The following NALF2 variants were observed in gnomAD, a reference collection of about 807,000 sequenced individuals.
The protein encoded by NALF2 is bB57D9.1 (TED protein).
Under a neutral mutation model 24.8 loss-of-function variants are expected in NALF2, and 1 was observed. The ratio of observed to expected loss-of-function variants is 0.04; its 90% CI spans 0.01 to 0.19. The LOEUF (loss-of-function observed/expected upper bound fraction) is 0.19, where lower values mean the gene tolerates loss of function less well. Ranked by LOEUF, NALF2 falls within the 10% of genes least tolerant of loss-of-function variation. The probability of loss-of-function intolerance (pLI) is 1.00; values close to 1 mark genes in which losing one functional copy is unlikely to be tolerated. For missense variants in NALF2, 458 were observed against 409.6 expected (o/e 1.12, Z -1.02); for synonymous variants, 254 against 189.8 (o/e 1.34, Z -2.78).
intron 1 of NALF2, among the ~76,000 whole-genome samples, chrX:69,512,764 T>C (rs1192900257): frequency 9.0e-6 from 1 of 111,516 alleles, no homozygotes; most frequent in Non-Finnish European, 1.9e-5. Flanking sequence ...TAGGTCTGTC[T>C]GTTCTTTCTC....
intron 1 of NALF2, among the ~76,000 whole-genome samples, chrX:69,507,684 A>G (rs970778204): frequency 9.0e-6 from 1 of 111,179 alleles, no homozygotes; most frequent in African/African-American, 3.3e-5. Context: ...GAAGAAGGGC[A>G]CATTTTGTCT....
Position 69,532,097 on chromosome X carries a change from C to A in NALF2, c.*2141C>A, listed in dbSNP as rs1454689465. 1 of 112,686 alleles carries A rather than the reference C, an allele frequency of 8.9e-6. No individual in the cohort carries two copies. The highest frequency in any genetic ancestry group is 3.2e-5 in the African/African-American group (1 of 30,884). The allele number at this position is 112,686 out of a possible 1,213,427, so 9.3% of individuals were successfully genotyped here. A position where few individuals can be genotyped will look rare whatever the true frequency, so the allele number is the denominator to read the frequency against. On this transcript the variant is annotated 3_prime_UTR_variant, in exon 3 of 3. Transcript: ENST00000252338. ...GGCTCAGACCAGCCCAAGGCCTTGC[C>A]CAGTGGCAGGGGAAAGGGGCACCTC...
rs963863815 is a variant in NALF2 at position 69,530,073 on chromosome X, G to A, written c.*117G>A. 6.5e-5 allele frequency: 35 copies of A among 536,579 alleles called. No individual in the cohort carries two copies. The highest frequency in any genetic ancestry group is 2.9e-6 in the Non-Finnish European group (1 of 346,111). 44.2% of individuals were successfully genotyped at this position (536,579 alleles called of 1,213,427 possible). On this transcript the variant is annotated 3_prime_UTR_variant, in exon 3 of 3. Transcript: ENST00000252338. ...AGGATAAGGTGGGGGCGGGGGAAAT[G>A]GGGGAATGACACATCCCCCCCAACC... is the stretch of plus-strand genomic sequence containing the variant.
At chrX:69,514,952 GAATGT>G (rs1490091415) in intron 1 of NALF2, among the ~76,000 whole-genome samples, 3 of 111,901 alleles carry the variant, frequency 2.7e-5, no homozygotes, top group African/African-American at 9.7e-5. Flanking sequence ...TCCATCACAT[GAATGT>G]AATGTAATTT....
At chrX:69,507,894 C>T (rs932609591) in intron 1 of NALF2, among the ~76,000 whole-genome samples, 1 of 111,201 alleles carries the variant, frequency 9.0e-6, no homozygotes, top group Non-Finnish European at 1.9e-5. Flanking sequence ...CACAACTTCC[C>T]CATGGGGTTT....
At chrX:69,518,638 G>A (rs1476707583) in intron 1 of NALF2, among the ~76,000 whole-genome samples, 1 of 111,512 alleles carries the variant, frequency 9.0e-6, no homozygotes, top group East Asian at 2.8e-4. Context: ...ACACCTGTGT[G>A]TATATATCTC....
rs1313921992 is a variant in NALF2, at chrX:69,530,451, A to G, written c.*495A>G. ...CAGACAGTGCAATGGCCCTCCTGCC[A>G]CTTCAGCACACCTTGCCCCACCTGG... On this transcript the variant is annotated 3_prime_UTR_variant, in exon 3 of 3. Coordinates refer to ENST00000252338, the MANE Select transcript of NALF2 (RefSeq NM_015686.3). 4 of 116,014 alleles carry G rather than the reference A, an allele frequency of 3.4e-5. No homozygotes were observed. Among genetic ancestry groups the G allele is most frequent in the African/African-American group, 1.3e-4 (4 of 31,142 alleles). The allele number at this position is 116,014 out of a possible 1,213,427, so 9.6% of individuals were successfully genotyped here. A position where few individuals can be genotyped will look rare whatever the true frequency, so the allele number is the denominator to read the frequency against.
chrX:69,522,775 G>C (rs1476415737), intron 1 of NALF2, among the ~76,000 whole-genome samples: 1 of 111,944 alleles, frequency 8.9e-6, no homozygotes, highest in Non-Finnish European at 1.9e-5. Flanking sequence ...AGGAGCACTT[G>C]GCTCTTTTCA....
intron 2 of NALF2, 75 bp from the exon 3 acceptor site, chrX:69,529,496 G>T: frequency 1.8e-6 from 2 of 1,134,585 alleles, no homozygotes; most frequent in Non-Finnish European, 2.3e-6. Flanking sequence ...CCCAGCTCTG[G>T]AAACTTGCTC....
intron 1 of NALF2, among the ~76,000 whole-genome samples, chrX:69,523,265 C>T (rs1304916480): frequency 1.8e-5 from 2 of 112,775 alleles, no homozygotes; most frequent in Non-Finnish European, 3.8e-5. Context: ...GCCCCAGAAC[C>T]AAGGAGCTCG....
intron 1 of NALF2, among the ~76,000 whole-genome samples, chrX:69,514,184 T>C (rs1168090540): frequency 1.2e-5 from 1 of 81,128 alleles, no homozygotes; most frequent in Non-Finnish European, 2.2e-5. Context: ...AGTAAGACTC[T>C]GTCTCAAAAA....
chrX:69,518,307 T>C (rs1007304188), intron 1 of NALF2, among the ~76,000 whole-genome samples: 3 of 111,822 alleles, frequency 2.7e-5, no homozygotes, highest in African/African-American at 9.8e-5. Flanking sequence ...TTTTGTTTTG[T>C]TGTTTTCGAG....
rs61570141 is a variant in NALF2, at chrX:69,514,197, TAA to T, written c.861+8067_861+8068del. Among the ~76,000 whole-genome samples the T allele has an allele frequency of 3.8e-3, 380 of 99,110 alleles. 1 individual carries two copies. Among genetic ancestry groups the T allele is most frequent in the East Asian group, 0.016 (50 of 3,115 alleles). 86.1% of individuals were successfully genotyped at this position (99,110 alleles called of 115,157 possible). Reference sequence around the variant, plus strand: ...AGAGTAAGACTCTGTCTCAAAAAATTAAAAAAAAAAAAAACTCCCCATTCTTC... The same window carrying T: ...AGAGTAAGACTCTGTCTCAAAAAATTAAAAAAAAAAAACTCCCCATTCTTC... On this transcript the variant is annotated intron_variant, in intron 1 of 2. Coordinates refer to ENST00000252338, the MANE Select transcript of NALF2 (RefSeq NM_015686.3).
chrX:69,505,432 G>A lies in NALF2; in HGVS notation c.150G>A (p.Leu50=), dbSNP rs1169473590. 1 of 1,150,169 alleles carries A rather than the reference G, an allele frequency of 8.7e-7. No homozygotes were observed. Among genetic ancestry groups the A allele is most frequent in the Admixed American group, 2.7e-5 (1 of 37,221 alleles). 94.8% of individuals were successfully genotyped at this position (1,150,169 alleles called of 1,213,427 possible). A position where few individuals can be genotyped will look rare whatever the true frequency, so the allele number is the denominator to read the frequency against. ...GATGGCGACTGTCCCTGGCGTCCCT[G>A]CTCTTCTTCACCGTGCTGCTCGCTG... ...AQRWRLSLAS[L]LFFTVLLADH... Residue 50 remains leucine (L), a synonymous_variant, in exon 1 of 3, where the codon CTG becomes CTA. Coordinates refer to ENST00000252338, the MANE Select transcript of NALF2 (RefSeq NM_015686.3).
chrX:69,523,716 C>T (rs903943392), intron 1 of NALF2, among the ~76,000 whole-genome samples: 1 of 110,391 alleles, frequency 9.1e-6, no homozygotes, highest in African/African-American at 3.3e-5. Flanking sequence ...TCCCCCGCTG[C>T]CATCTCAAGG....
intron 1 of NALF2, among the ~76,000 whole-genome samples, chrX:69,519,162 A>G (rs1930701321): frequency 8.9e-6 from 1 of 111,835 alleles, no homozygotes; most frequent in Non-Finnish European, 1.9e-5. Context: ...TAGTTTTCTC[A>G]TTTTTTGCTG....
At chrX:69,519,919 TC>T (rs1303807209) in intron 1 of NALF2, among the ~76,000 whole-genome samples, 1 of 112,009 alleles carries the variant, frequency 8.9e-6, no homozygotes, top group African/African-American at 3.2e-5. Context: ...GCCTCTTAAT[TC>T]CCCAAACCAG....
At position 69,505,687 on chromosome X, in the gene NALF2, C is replaced by T. The variant is rs1318345539; in HGVS notation, c.405C>T (p.Gly135=). 4 of 1,206,564 alleles carry T rather than the reference C, an allele frequency of 3.3e-6. No homozygotes were observed. Among genetic ancestry groups the T allele is most frequent in the Non-Finnish European group, 3.4e-6 (3 of 893,846 alleles). The change falls in exon 1 of 3, where the codon GGC becomes GGT. Residue 135 remains glycine (G), a synonymous_variant. Coordinates refer to ENST00000252338, the MANE Select transcript of NALF2 (RefSeq NM_015686.3). The part of the protein sequence containing the change: ...APAAGSRPVC[G]GVPEPTGLDA... ...CCGCCGGCTCTCGGCCGGTCTGCGG[C>T]GGCGTCCCAGAGCCCACGGGGCTGG...
intron 1 of NALF2, among the ~76,000 whole-genome samples, chrX:69,507,901 G>A (rs185585734): frequency 4.5e-5 from 5 of 111,215 alleles, no homozygotes; most frequent in African/African-American, 1.3e-4. Flanking sequence ...TCCCCATGGG[G>A]TTTTCTCCGT....
Sources: gnomAD v4.1 joint callset for allele counts (sites outside exome capture counted in the v4.1 genomes callset) on GRCh38, gnomAD v4.1.1 for gene constraint, MANE v1.5 for transcripts, NCBI Gene and HGNC (gene_info 2026-07-23, HGNC 2026-07-21) for gene names.